The following ATP1A4 variants were observed in gnomAD, a reference collection of about 807,000 sequenced individuals.
The protein encoded by ATP1A4 is ATPase Na+/K+ transporting subunit alpha 4, also known as sodium/potassium-transporting ATPase subunit alpha-4.
ATP1A4 carries 90 observed loss-of-function variants against 114.3 expected under a neutral mutation model. That is an observed-to-expected ratio of 0.79 (90% CI 0.66 to 0.94). The LOEUF (loss-of-function observed/expected upper bound fraction) is 0.94, where lower values mean the gene tolerates loss of function less well. Among genes scored for constraint, ATP1A4 ranks in the 40% least tolerant of loss-of-function variants. The probability of loss-of-function intolerance (pLI) is 0.00; values close to 1 mark genes in which losing one functional copy is unlikely to be tolerated. For synonymous variants in ATP1A4, 511 were observed against 494.1 expected, an observed-to-expected ratio of 1.03 and a Z score of -0.45; for missense variants, 1,222 against 1,313.6, an observed-to-expected ratio of 0.93 and a Z score of 1.08.
At chr1:160,186,480 C>G in intron 21 of ATP1A4, 113 bp downstream of exon 21, 1 of 1,077,382 alleles carries the variant, frequency 9.3e-7, no homozygotes, top group Non-Finnish European at 1.4e-6. Flanking sequence ...CTCCTCGCTG[C>G]CAGCCTTGAC....
chr1:160,163,617 A>G (rs1652933341), intron 6 of ATP1A4, among the ~76,000 whole-genome samples: 1 of 152,138 alleles, frequency 6.6e-6, no homozygotes, highest in South Asian at 2.1e-4. Context: ...TCTCCTGTCC[A>G]GGGTGCCCTC....
Position 160,164,199 on chromosome 1 carries a change from G to A in ATP1A4, c.822G>A (p.Val274=). ...GIVIATGDST[V]MGRIASLTSG... is the part of the protein sequence containing the mutation. ...TGATTGCTACGGGAGACTCCACAGTGATGGGCAGAATTGCCTCCCTGACGT... is the reference window on the plus strand; with the variant it reads ...TGATTGCTACGGGAGACTCCACAGTAATGGGCAGAATTGCCTCCCTGACGT... Residue 274 remains valine, a synonymous_variant, in exon 7 of 22, where the codon GTG becomes GTA. Coordinates refer to ENST00000368081, the MANE Select transcript of ATP1A4 (RefSeq NM_144699.4). 6.2e-7 allele frequency: 1 copy of A among 1,614,204 alleles called. No individual in the cohort carries two copies. The highest frequency in any genetic ancestry group is 8.5e-7 in the Non-Finnish European group (1 of 1,180,034).
At chr1:160,185,025 C>T (rs892082342) in intron 20 of ATP1A4, among the ~76,000 whole-genome samples, 3 of 152,224 alleles carry the variant, frequency 2.0e-5, no homozygotes, top group South Asian at 2.1e-4. Flanking sequence ...TCTCCCTCAG[C>T]GGCTCCACAA....
chr1:160,174,799 G>C, intron 15 of ATP1A4, 52 bp downstream of exon 15: 1 of 1,609,138 alleles, frequency 6.2e-7, no homozygotes, highest in Non-Finnish European at 8.5e-7. Flanking sequence ...ACTCAGGTGG[G>C]GGTTGGTGTA....
chr1:160,153,047 A>T, intron 1 of ATP1A4, 118 bp from the exon 2 acceptor site: 1 of 789,952 alleles, frequency 1.3e-6, no homozygotes, highest in Non-Finnish European at 2.2e-6. Flanking sequence ...AATTGCAGGG[A>T]GCTTACAAAA....
At chr1:160,168,587 T>C (rs1653126761) in intron 10 of ATP1A4, among the ~76,000 whole-genome samples, 1 of 152,146 alleles carries the variant, frequency 6.6e-6, no homozygotes, top group Non-Finnish European at 1.5e-5. Context: ...TTTTACCATG[T>C]TGGCTATGCT....
At chr1:160,161,294 C>T (rs1387780765) in intron 6 of ATP1A4, among the ~76,000 whole-genome samples, 1 of 152,186 alleles carries the variant, frequency 6.6e-6, no homozygotes, top group Non-Finnish European at 1.5e-5. Context: ...TTTACCCTTG[C>T]CTCCCATGTC....
chr1:160,160,515 C>A (rs1652832628), intron 6 of ATP1A4, among the ~76,000 whole-genome samples: 1 of 152,066 alleles, frequency 6.6e-6, no homozygotes, highest in South Asian at 2.1e-4. Context: ...CCATACCCAG[C>A]CTAGAAATAT....
At chr1:160,164,032 C>A (rs187725411) in intron 6 of ATP1A4, 124 bp from the exon 7 acceptor site, 1 of 1,242,292 alleles carries the variant, frequency 8.0e-7, no homozygotes, top group East Asian at 2.4e-5. Flanking sequence ...ACAAAAGATT[C>A]TCCTAGCACC....
At chr1:160,163,492 A>G (rs1208789717) in intron 6 of ATP1A4, among the ~76,000 whole-genome samples, 1 of 152,092 alleles carries the variant, frequency 6.6e-6, no homozygotes, top group East Asian at 1.9e-4. Flanking sequence ...GAAACACCTT[A>G]CTTAGGTTTA....
In ATP1A4 at chr1:160,153,216, C is replaced by T; in HGVS notation, c.199C>T (p.Leu67=). Residue 67 remains leucine, a synonymous_variant, in exon 2 of 22, where the codon CTG becomes TTG. Transcript: ENST00000368081. Reference sequence around the variant, plus strand: ...GCTGAGCACCAAGTACTCCGTGGACCTGACAAAGGTGAGTAAGAAGCTCCC... The same window carrying T: ...GCTGAGCACCAAGTACTCCGTGGACTTGACAAAGGTGAGTAAGAAGCTCCC... The part of the protein sequence containing the change: ...EELSTKYSVD[L]TKGHSHQRAK... 6.2e-7 allele frequency: 1 copy of T among 1,613,756 alleles called. No individual in the cohort carries two copies. Among genetic ancestry groups the T allele is most frequent in the Middle Eastern group, 1.7e-4 (1 of 6,052 alleles).
Position 160,174,232 on chromosome 1 carries a change from C to A in ATP1A4, c.2113C>A (p.Leu705Ile), listed in dbSNP as rs779734475. The A allele has an allele frequency of 6.2e-7, 1 of 1,614,026 alleles. No homozygotes were observed. Among genetic ancestry groups the A allele is most frequent in the Non-Finnish European group, 8.5e-7 (1 of 1,180,028 alleles). ...VFARTSPQQK[L>I]IIVEGCQRLG... ...TGCTCGGACCTCCCCTCAGCAGAAGCTCATCATTGTCGAGGGATGTCAGAG... is the reference window on the plus strand; with the variant it reads ...TGCTCGGACCTCCCCTCAGCAGAAGATCATCATTGTCGAGGGATGTCAGAG... Residue 705 changes from leucine to isoleucine, a missense_variant, in exon 14 of 22, where the codon CTC becomes ATC. By Grantham distance (5) the Leu-to-Ile change is conservative. Coordinates refer to ENST00000368081, the MANE Select transcript of ATP1A4 (RefSeq NM_144699.4).
Position 160,166,630 on chromosome 1 carries a change from G to A in ATP1A4, c.1150G>A (p.Asp384Asn), listed in dbSNP as rs1301464897. 3 of 1,614,218 alleles carry A rather than the reference G, an allele frequency of 1.9e-6. No homozygotes were observed. In the Admixed American group the frequency reaches 5.0e-5, roughly 27 times the overall value. The change falls in exon 8 of 22, where the codon GAC becomes AAC. Residue 384 changes from aspartate to asparagine, a missense_variant. By Grantham distance (23) the Asp-to-Asn change is conservative (BLOSUM62 1). Coordinates refer to ENST00000368081, the MANE Select transcript of ATP1A4 (RefSeq NM_144699.4). ...GGGCTCCACGTCCACCATCTGCTCA[G>A]ACAAGACGGGCACCCTCACCCAGAA... Reference protein sequence around the residue: ...TLGSTSTICSDKTGTLTQNRM... With the variant: ...TLGSTSTICSNKTGTLTQNRM...
chr1:160,177,645 A>C lies in ATP1A4; in HGVS notation c.2717A>C (p.Asp906Ala). 6.2e-7 allele frequency: 1 copy of C among 1,614,198 alleles called. No homozygotes were observed. The highest frequency in any genetic ancestry group is 8.5e-7 in the Non-Finnish European group (1 of 1,180,040). The stretch of plus-strand genomic sequence containing the variant: ...GATAAATACTTGAATGACCTGGAGG[A>C]CAGCTACGGACAGCAGTGGGTGAGT... ...WEDKYLNDLE[D>A]SYGQQWTYEQ... Residue 906 changes from aspartate to alanine, a missense_variant, in exon 18 of 22, where the codon GAC becomes GCC. By Grantham distance (126) the Asp-to-Ala change is moderately radical. Transcript: ENST00000368081.
chr1:160,180,783 C>T (rs1306004216), intron 18 of ATP1A4, among the ~76,000 whole-genome samples: 1 of 142,702 alleles, frequency 7.0e-6, no homozygotes, highest in African/African-American at 2.6e-5. Context: ...GGCATGATCT[C>T]GGCTCACTAC....
At position 160,164,225 on chromosome 1, in the gene ATP1A4, C is replaced by T. The variant is rs759741988; in HGVS notation, c.848C>T (p.Ser283Leu). 3 of 1,614,140 alleles carry T rather than the reference C, an allele frequency of 1.9e-6. No homozygotes were observed. The highest frequency in any genetic ancestry group is 2.5e-6 in the Non-Finnish European group (3 of 1,180,046). ...ATGGGCAGAATTGCCTCCCTGACGT[C>T]AGGCCTGGCGGTTGGCCAGACACCT... Reference protein sequence around the residue: ...TVMGRIASLTSGLAVGQTPIA... With the variant: ...TVMGRIASLTLGLAVGQTPIA... The change falls in exon 7 of 22, where the codon TCA (serine) becomes TTA (leucine). Residue 283 changes from serine (S) to leucine (L), a missense_variant. Ser to Leu is a moderately radical substitution (Grantham distance 145). Coordinates refer to ENST00000368081, the MANE Select transcript of ATP1A4 (RefSeq NM_144699.4).
chr1:160,157,972 T>C (rs1014037286), intron 4 of ATP1A4, among the ~76,000 whole-genome samples: 5 of 152,194 alleles, frequency 3.3e-5, no homozygotes, highest in Admixed American at 2.0e-4. Context: ...TATAATATGA[T>C]CATGTTCCAG....
chr1:160,152,214 C>G (rs778343721), intron 1 of ATP1A4, 27 bp downstream of exon 1: 6 of 1,607,758 alleles, frequency 3.7e-6, no homozygotes, highest in Non-Finnish European at 5.1e-6. Context: ...TGGGCGCTGA[C>G]AGCTGCCCTC....
At chr1:160,167,099 G>A (rs1264067870) in intron 9 of ATP1A4, 22 bp downstream of exon 9, 2 of 1,610,210 alleles carry the variant, frequency 1.2e-6, no homozygotes, top group Admixed American at 1.7e-5. Flanking sequence ...AAGGGGAAGA[G>A]GGTACCTCAG....
Sources: gnomAD v4.1 joint callset for allele counts (sites outside exome capture counted in the v4.1 genomes callset) on GRCh38, gnomAD v4.1.1 for gene constraint, MANE v1.5 for transcripts, NCBI Gene and HGNC (gene_info 2026-07-23, HGNC 2026-07-21) for gene names.